Variants in KLF12 observed in about 807,000 individuals in gnomAD.
KLF12 encodes Krueppel-like factor 12.
Under a neutral mutation model 37.8 loss-of-function variants are expected in KLF12, and 9 were observed. The observed-to-expected ratio is 0.24, with a 90% CI of 0.14 to 0.42. The LOEUF (loss-of-function observed/expected upper bound fraction) is 0.42, where lower values mean the gene tolerates loss of function less well. Ranked by LOEUF, KLF12 falls within the 10% of genes least tolerant of loss-of-function variation. The pLI is 1.00. For synonymous variants in KLF12, 208 were observed against 202.1 expected, an observed-to-expected ratio of 1.03 and a Z score of -0.25; for missense variants, 411 against 516.0, an observed-to-expected ratio of 0.80 and a Z score of 1.97.
At chr13:73,847,100 C>T (rs1885072635) in intron 3 of KLF12, among the ~76,000 whole-genome samples, 1 of 152,012 alleles carries the variant, frequency 6.6e-6, no homozygotes, top group African/African-American at 2.4e-5. Flanking sequence ...AGATTTTACC[C>T]AGACTAATGT....
intron 2 of KLF12, among the ~76,000 whole-genome samples, chr13:73,965,999 C>G (rs945984463): frequency 6.6e-6 from 1 of 152,194 alleles, no homozygotes; most frequent in Admixed American, 6.5e-5. Context: ...ACCTTTCAAT[C>G]TAGCAATTGT....
the KLF12 span, among the ~76,000 whole-genome samples, chr13:74,288,904 TG>T: frequency 1.3e-5 from 2 of 152,216 alleles, no homozygotes; most frequent in African/African-American, 4.8e-5. Flanking sequence ...ACAAGCTTCC[TG>T]GCACTCCTCT....
At chr13:74,044,517 G>C (rs1194274453) in intron 1 of KLF12, among the ~76,000 whole-genome samples, 4 of 152,050 alleles carry the variant, frequency 2.6e-5, no homozygotes, top group Non-Finnish European at 5.9e-5. Context: ...CAATAAGGGA[G>C]ATATGTCAGA....
chr13:74,200,674 GA>G, the KLF12 span, among the ~76,000 whole-genome samples: 1 of 152,030 alleles, frequency 6.6e-6, no homozygotes, highest in South Asian at 2.1e-4. Flanking sequence ...ACTGGACATA[GA>G]GATCATCAGG....
intron 1 of KLF12, among the ~76,000 whole-genome samples, chr13:74,045,722 C>A (rs984235446): frequency 5.3e-5 from 8 of 152,052 alleles, no homozygotes; most frequent in African/African-American, 1.9e-4. Flanking sequence ...TCCAGGTAGT[C>A]CAGCGAGCTC....
intron 6 of KLF12, among the ~76,000 whole-genome samples, chr13:73,725,478 C>CA (rs869172107): frequency 2.7e-5 from 4 of 147,416 alleles, no homozygotes; most frequent in Non-Finnish European, 4.6e-5. Context: ...AAAACAAAAA[C>CA]AAAAAAATAG....
intron 2 of KLF12, among the ~76,000 whole-genome samples, chr13:73,946,253 G>A (rs1267292898): frequency 2.6e-5 from 4 of 152,144 alleles, no homozygotes; most frequent in African/African-American, 9.7e-5. Context: ...AAAAGACAAA[G>A]AGCGATTCTG....
At chr13:74,068,086 C>T (rs1449474458) in intron 1 of KLF12, among the ~76,000 whole-genome samples, 1 of 152,188 alleles carries the variant, frequency 6.6e-6, no homozygotes, top group Non-Finnish European at 1.5e-5. Flanking sequence ...TACCTCAGCT[C>T]CCATCAGCCA....
chr13:74,286,366 A>G, the KLF12 span, among the ~76,000 whole-genome samples: 1 of 152,232 alleles, frequency 6.6e-6, no homozygotes, highest in Non-Finnish European at 1.5e-5. Context: ...ATAGAAGAAA[A>G]TCTAAGCTAG....
At chr13:74,092,165 C>T (rs1279670911) in intron 1 of KLF12, among the ~76,000 whole-genome samples, 1 of 151,324 alleles carries the variant, frequency 6.6e-6, no homozygotes, top group South Asian at 2.1e-4. Flanking sequence ...GGTGTGGTGG[C>T]GGGTGCCTGT....
intron 6 of KLF12, among the ~76,000 whole-genome samples, chr13:73,740,208 C>T (rs888494483): frequency 3.9e-5 from 6 of 152,118 alleles, no homozygotes; most frequent in African/African-American, 1.4e-4. Flanking sequence ...AGTATTAGTG[C>T]CCTTATAAAA....
intron 6 of KLF12, among the ~76,000 whole-genome samples, chr13:73,723,464 T>C (rs1007395052): frequency 1.3e-5 from 2 of 152,088 alleles, no homozygotes; most frequent in South Asian, 2.1e-4. Flanking sequence ...TTATGTTTTA[T>C]GCCAGAAGTG....
the KLF12 span, among the ~76,000 whole-genome samples, chr13:74,144,445 G>A: frequency 1.2e-3 from 182 of 152,238 alleles, no homozygotes; most frequent in African/African-American, 4.1e-3. Flanking sequence ...ATATAACTGC[G>A]TATTTGTATT....
intron 1 of KLF12, among the ~76,000 whole-genome samples, chr13:74,085,888 G>A (rs1042645694): frequency 6.6e-6 from 1 of 152,040 alleles, no homozygotes; most frequent in South Asian, 2.1e-4. Flanking sequence ...GAGATTGCTG[G>A]TACCTGCTAA....
the KLF12 span, among the ~76,000 whole-genome samples, chr13:74,167,695 T>C: frequency 6.6e-6 from 1 of 152,232 alleles, no homozygotes; most frequent in African/African-American, 2.4e-5. Context: ...CTTAATCTCG[T>C]GTTTAATTTA....
intron 3 of KLF12, among the ~76,000 whole-genome samples, chr13:73,850,568 C>A (rs1332375718): frequency 6.6e-6 from 1 of 152,224 alleles, no homozygotes; most frequent in Non-Finnish European, 1.5e-5. Flanking sequence ...GGATACTACT[C>A]TATCTTTGGA....
intron 1 of KLF12, among the ~76,000 whole-genome samples, chr13:74,019,005 A>T (rs1157938207): frequency 2.0e-5 from 3 of 152,172 alleles, no homozygotes; most frequent in African/African-American, 7.2e-5. Context: ...AATTACAAAA[A>T]CTGTGTATGT....
At chr13:73,868,631 T>C (rs1339633423) in intron 3 of KLF12, among the ~76,000 whole-genome samples, 1 of 152,050 alleles carries the variant, frequency 6.6e-6, no homozygotes, top group Non-Finnish European at 1.5e-5. Flanking sequence ...GACCTCATGA[T>C]TTGCCCACCT....
chr13:73,725,259 C>T (rs1243633696), intron 6 of KLF12, among the ~76,000 whole-genome samples: 4 of 152,116 alleles, frequency 2.6e-5, no homozygotes, highest in Non-Finnish European at 4.4e-5. Context: ...CGCCACCACA[C>T]CCAGCTAATT....
Sources: gnomAD v4.1 joint callset for allele counts (sites outside exome capture counted in the v4.1 genomes callset) on GRCh38, gnomAD v4.1.1 for gene constraint, MANE v1.5 for transcripts, NCBI Gene and HGNC (gene_info 2026-07-23, HGNC 2026-07-21) for gene names.